Variants in CDK19 observed in about 807,000 individuals in gnomAD.
CDK19 encodes cyclin-dependent kinase 19.
A neutral mutation model predicts 68.3 loss-of-function variants in CDK19; 20 were observed. That is an observed-to-expected ratio of 0.29 (90% CI 0.21 to 0.43). CDK19 has a LOEUF of 0.43. CDK19 is among the 20% of genes least tolerant of loss of function. The pLI, the probability that CDK19 is intolerant of heterozygous loss-of-function variation, is 1.00. For missense variants in CDK19, 339 were observed against 623.5 expected (o/e 0.54, Z 4.86); for synonymous variants, 221 against 222.8 (o/e 0.99, Z 0.07).
chr6:110,739,636 A>T (rs1221907854), intron 2 of CDK19, among the ~76,000 whole-genome samples: 1 of 146,740 alleles, frequency 6.8e-6, no homozygotes, highest in Non-Finnish European at 1.5e-5. Flanking sequence ...ATATATATAC[A>T]TTTTTTTTTT....
intron 2 of CDK19, among the ~76,000 whole-genome samples, chr6:110,715,635 C>T (rs55864397): frequency 2.6e-5 from 4 of 152,074 alleles, no homozygotes; most frequent in Non-Finnish European, 4.4e-5. Context: ...TACAGGCGTG[C>T]GCCACACACC....
chr6:110,663,475 A>T (rs1205428036), intron 4 of CDK19, among the ~76,000 whole-genome samples: 1 of 152,212 alleles, frequency 6.6e-6, no homozygotes, highest in East Asian at 1.9e-4. Context: ...AGGACTCAAG[A>T]TTAGTGAATC....
intron 1 of CDK19, among the ~76,000 whole-genome samples, chr6:110,768,046 A>G (rs1000217026): frequency 3.3e-5 from 5 of 152,186 alleles, no homozygotes; most frequent in African/African-American, 1.2e-4. Context: ...AGAAAATAAA[A>G]AGAAAAAGAA....
chr6:110,761,754 C>T (rs1394374082), intron 1 of CDK19, among the ~76,000 whole-genome samples: 1 of 151,940 alleles, frequency 6.6e-6, no homozygotes, highest in Non-Finnish European at 1.5e-5. Context: ...AGTGGTTTAC[C>T]AATTATTTTA....
intron 6 of CDK19, among the ~76,000 whole-genome samples, chr6:110,630,782 G>A (rs925936924): frequency 1.3e-5 from 2 of 152,150 alleles, no homozygotes; most frequent in African/African-American, 2.4e-5. Context: ...TTTACTCAGA[G>A]GCTTTTTCAC....
intron 4 of CDK19, among the ~76,000 whole-genome samples, chr6:110,650,456 C>T (rs972634877): frequency 6.6e-6 from 1 of 152,084 alleles, no homozygotes; most frequent in Admixed American, 6.5e-5. Flanking sequence ...TGCTTTGTAA[C>T]ATCCATAAAT....
At chr6:110,691,430 T>C (rs999636723) in intron 2 of CDK19, among the ~76,000 whole-genome samples, 4 of 150,582 alleles carry the variant, frequency 2.7e-5, no homozygotes, top group African/African-American at 9.8e-5. Flanking sequence ...GCTGAGATCA[T>C]GCCATTGCAC....
chr6:110,705,189 C>T (rs1361464603), intron 2 of CDK19, among the ~76,000 whole-genome samples: 8 of 152,082 alleles, frequency 5.3e-5, no homozygotes, highest in South Asian at 4.2e-4. Context: ...TACAGGCATG[C>T]GCCACCACGC....
intron 2 of CDK19, among the ~76,000 whole-genome samples, chr6:110,683,322 C>T (rs554441783): frequency 6.6e-6 from 1 of 152,098 alleles, no homozygotes; most frequent in Non-Finnish European, 1.5e-5. Flanking sequence ...GGTAGAATGC[C>T]TGGCATTGTT....
At chr6:110,720,684 TGGTGAA>T (rs1775799878) in intron 2 of CDK19, among the ~76,000 whole-genome samples, 1 of 151,870 alleles carries the variant, frequency 6.6e-6, no homozygotes, top group Non-Finnish European at 1.5e-5. Context: ...CTGGCCAACA[TGGTGAA>T]ACCCTGTCTC....
intron 1 of CDK19, among the ~76,000 whole-genome samples, chr6:110,806,188 A>C (rs570496094): frequency 4.8e-4 from 73 of 151,942 alleles, no homozygotes; most frequent in African/African-American, 1.7e-3. Context: ...AAAAAATACA[A>C]AATTAGCTAG....
At chr6:110,764,370 A>C (rs1459239782) in intron 1 of CDK19, among the ~76,000 whole-genome samples, 1 of 152,242 alleles carries the variant, frequency 6.6e-6, no homozygotes, top group Non-Finnish European at 1.5e-5. Flanking sequence ...ATAAAGCCAC[A>C]GTAATCAAGA....
intron 1 of CDK19, among the ~76,000 whole-genome samples, chr6:110,755,561 G>C (rs73528418): frequency 0.019 from 2,940 of 152,186 alleles, 98 homozygotes; most frequent in African/African-American, 0.068. Flanking sequence ...AGGAGGAAAG[G>C]ACAGGGCCTT....
intron 1 of CDK19, among the ~76,000 whole-genome samples, chr6:110,765,404 C>T (rs889449253): frequency 1.3e-5 from 2 of 150,894 alleles, no homozygotes; most frequent in Non-Finnish European, 2.9e-5. Flanking sequence ...ACAGGTCAGA[C>T]GCGGTGGCTC....
rs552241844 is a variant in CDK19 at position 110,794,803 on chromosome 6, GA to G, written c.128+20205del. ...TTCAGAATAATATATATATATCTGT[GA>G]AAAAAAAAATCACCCATTCTTCCAA... On this transcript the variant is annotated intron_variant, in intron 1 of 12. Coordinates refer to ENST00000368911, the MANE Select transcript of CDK19 (RefSeq NM_015076.5). Among the ~76,000 whole-genome samples the G allele has an allele frequency of 1.7e-4, 25 of 148,116 alleles. No homozygotes were observed. The Middle Eastern group carries it at 0.01, about 62-fold the overall frequency.
chr6:110,623,801 CATATACACAT>C (rs1414533741), intron 8 of CDK19, among the ~76,000 whole-genome samples: 2 of 146,628 alleles, frequency 1.4e-5, no homozygotes, highest in African/African-American at 5.0e-5. Flanking sequence ...TATACACACA[CATATACACAT>C]ATATACACAT....
At chr6:110,731,855 T>A (rs940046398) in intron 2 of CDK19, among the ~76,000 whole-genome samples, 13 of 152,198 alleles carry the variant, frequency 8.5e-5, no homozygotes, top group African/African-American at 2.9e-4. Context: ...GCAAATCATG[T>A]ATCTCTTCAT....
At chr6:110,771,006 T>C (rs1226750577) in intron 1 of CDK19, among the ~76,000 whole-genome samples, 1 of 152,178 alleles carries the variant, frequency 6.6e-6, no homozygotes, top group African/African-American at 2.4e-5. Context: ...CCCTGTGGCT[T>C]TGCAGGGTAT....
chr6:110,752,498 G>A (rs1778540018), intron 1 of CDK19, among the ~76,000 whole-genome samples: 1 of 152,096 alleles, frequency 6.6e-6, no homozygotes, highest in African/African-American at 2.4e-5. Flanking sequence ...AATGAATGAT[G>A]TCAGATAATA....
Sources: allele counts gnomAD v4.1 joint callset (sites outside exome capture counted in the v4.1 genomes callset), GRCh38; gene constraint gnomAD v4.1.1; transcripts MANE v1.5; gene names NCBI Gene and HGNC (gene_info 2026-07-23, HGNC 2026-07-21).